The following CCDC149 variants were observed in gnomAD, a reference collection of about 807,000 sequenced individuals.
The protein encoded by CCDC149 is coiled-coil domain-containing protein 149.
CCDC149 carries 45 observed loss-of-function variants against 59.9 expected under a neutral mutation model. That is an observed-to-expected ratio of 0.75 (90% CI 0.59 to 0.96). CCDC149 has a LOEUF of 0.96. Among genes scored for constraint, CCDC149 ranks in the 40% least tolerant of loss-of-function variants. The pLI is 0.00. For missense variants in CCDC149, 584 were observed against 664.7 expected, an observed-to-expected ratio of 0.88 and a Z score of 1.33; for synonymous variants, 245 against 260.6, an observed-to-expected ratio of 0.94 and a Z score of 0.58.
intron 12 of CCDC149, among the ~76,000 whole-genome samples, chr4:24,813,435 C>G (rs1479953928): frequency 6.8e-6 from 1 of 146,506 alleles, no homozygotes; most frequent in Non-Finnish European, 1.5e-5. Flanking sequence ...GCTTGGATTT[C>G]TAAGGTTTCT....
intron 2 of CCDC149, among the ~76,000 whole-genome samples, chr4:24,874,245 T>TTG (rs1719246722): frequency 8.3e-5 from 1 of 12,098 alleles, no homozygotes; most frequent in African/African-American, 2.6e-4. Context: ...ATTAGATTTG[T>TTG]TTTTTTTTTT....
rs541195940 is a variant in CCDC149, at chr4:24,837,881, G to C, written c.489+275C>G. 6.6e-6 allele frequency among the ~76,000 whole-genome samples: 1 copy of C among 152,206 alleles called. No individual in the cohort carries two copies. Among genetic ancestry groups the C allele is most frequent in the Non-Finnish European group, 1.5e-5 (1 of 68,044 alleles). On this transcript the variant is annotated intron_variant, in intron 5 of 12. Coordinates refer to ENST00000635206, the MANE Select transcript of CCDC149 (RefSeq NM_001330643.2). The surrounding 1 kb of genome is among the most constrained non-coding windows in gnomAD (Gnocchi z 4.3). Reference sequence around the variant, plus strand: ...TTGCAAAGTAAGGCCAGTTTGTCACGTGTTGTTCTCTCCCTGTCTATCCTG... The same window carrying C: ...TTGCAAAGTAAGGCCAGTTTGTCACCTGTTGTTCTCTCCCTGTCTATCCTG...
At chr4:24,827,235 A>G (rs1715809155) in intron 9 of CCDC149, 1 of 152,216 alleles carries the variant, frequency 6.6e-6, no homozygotes, top group Admixed American at 6.5e-5. Context: ...GTCTTTAAGG[A>G]AAGCCTGGCT....
At chr4:24,931,248 G>T in intron 1 of CCDC149, among the ~76,000 whole-genome samples, 1 of 144,870 alleles carries the variant, frequency 6.9e-6, no homozygotes, top group Non-Finnish European at 1.5e-5. Context: ...TGTATATATT[G>T]TATAATATGC....
At chr4:24,816,581 T>C (rs1487592510) in intron 12 of CCDC149, among the ~76,000 whole-genome samples, 1 of 152,134 alleles carries the variant, frequency 6.6e-6, no homozygotes, top group Non-Finnish European at 1.5e-5. Context: ...TTTTTAAGGA[T>C]AGACACATAG....
At position 24,821,156 on chromosome 4, in the gene CCDC149, G is replaced by C. The variant is rs948172887; in HGVS notation, c.1043-69C>G. 4 of 875,406 alleles carry C rather than the reference G, an allele frequency of 4.6e-6. 1 individual carries two copies. The African/African-American group carries it at 7.0e-5, about 15-fold the overall frequency. The allele number at this position is 875,406 out of a possible 1,614,324, so 54.2% of individuals were successfully genotyped here. ...TAATAGCCATTTGAAGTTGCACCTA[G>C]ACCAAACAAAACCATAGAAAATTCT... On this transcript the variant is annotated intron_variant, in intron 10 of 12. Transcript: ENST00000635206.
At chr4:24,878,582 C>T (rs1719626035) in intron 1 of CCDC149, among the ~76,000 whole-genome samples, 1 of 152,196 alleles carries the variant, frequency 6.6e-6, no homozygotes, top group South Asian at 2.1e-4. Flanking sequence ...GCCCTTGTTC[C>T]TCCAGTTCTT....
intron 1 of CCDC149, among the ~76,000 whole-genome samples, chr4:24,938,412 G>A (rs199765528): frequency 6.6e-6 from 1 of 152,142 alleles, no homozygotes; most frequent in Non-Finnish European, 1.5e-5. Context: ...AATAAATTCT[G>A]GGGGGATGGA....
chr4:24,914,405 GAAA>G (rs1056544211), upstream of CCDC149, among the ~76,000 whole-genome samples: 5 of 121,964 alleles, frequency 4.1e-5, no homozygotes, highest in African/African-American at 1.5e-4. Flanking sequence ...AAAAAAAAAA[GAAA>G]AAAAAAGGCT....
At chr4:24,808,849 CT>C (rs1560195166) in intron 12 of CCDC149, 30 bp from the exon 13 acceptor site, 1 of 1,512,936 alleles carries the variant, frequency 6.6e-7, no homozygotes, top group East Asian at 2.5e-5. Flanking sequence ...AACATTAAAC[CT>C]CTGGCAGCAA....
chr4:24,948,235 T>C (rs922994737), intron 1 of CCDC149, among the ~76,000 whole-genome samples: 2 of 152,176 alleles, frequency 1.3e-5, no homozygotes, highest in Non-Finnish European at 1.5e-5. Flanking sequence ...GAGGACAAAT[T>C]AGGGATTTGC....
chr4:24,936,083 G>A (rs1022550419), intron 1 of CCDC149, among the ~76,000 whole-genome samples: 2 of 152,148 alleles, frequency 1.3e-5, no homozygotes, highest in Non-Finnish European at 2.9e-5. Context: ...GTGCTCATTG[G>A]TTCCAGAAGT....
intron 3 of CCDC149, among the ~76,000 whole-genome samples, chr4:24,869,484 C>A (rs1368181455): frequency 6.6e-6 from 1 of 152,188 alleles, no homozygotes; most frequent in African/African-American, 2.4e-5. Flanking sequence ...TTGGAGCAAG[C>A]TACTTTGAGT....
At chr4:24,970,939 G>C (rs978888051) in intron 1 of CCDC149, among the ~76,000 whole-genome samples, 3 of 152,168 alleles carry the variant, frequency 2.0e-5, no homozygotes, top group Non-Finnish European at 4.4e-5. Flanking sequence ...CCAGGGCTCT[G>C]AATTACACCC....
intron 1 of CCDC149, among the ~76,000 whole-genome samples, chr4:24,935,078 T>C (rs1722700396): frequency 6.6e-6 from 1 of 152,190 alleles, no homozygotes; most frequent in African/African-American, 2.4e-5. Context: ...GGAGACCAGA[T>C]AGCAGGCTCC....
intron 3 of CCDC149, among the ~76,000 whole-genome samples, chr4:24,864,984 T>C (rs1420879403): frequency 6.6e-6 from 1 of 152,222 alleles, no homozygotes; most frequent in Admixed American, 6.5e-5. Flanking sequence ...CTCTGTATAC[T>C]GAGGAATGAC....
At chr4:24,933,036 G>A (rs556145272) in intron 1 of CCDC149, among the ~76,000 whole-genome samples, 6 of 152,076 alleles carry the variant, frequency 3.9e-5, no homozygotes, top group Admixed American at 6.6e-5. Context: ...GCATGGTGAG[G>A]GCCAGTGAGT....
At chr4:24,858,563 G>C (rs990753344) in intron 3 of CCDC149, among the ~76,000 whole-genome samples, 5 of 152,152 alleles carry the variant, frequency 3.3e-5, no homozygotes, top group African/African-American at 1.2e-4. Flanking sequence ...GAAAGGGAGG[G>C]AAGAGAGATT....
At chr4:24,972,982 T>A (rs560171867) in intron 1 of CCDC149, among the ~76,000 whole-genome samples, 3 of 152,206 alleles carry the variant, frequency 2.0e-5, no homozygotes, top group Admixed American at 1.3e-4. Flanking sequence ...TGGGCACCCA[T>A]GAAGCTTCAT....
Sources: allele counts gnomAD v4.1 joint callset (sites outside exome capture counted in the v4.1 genomes callset), GRCh38; gene constraint gnomAD v4.1.1; non-coding constraint Gnocchi (gnomAD v3.1); transcripts MANE v1.5; gene names NCBI Gene and HGNC (gene_info 2026-07-23, HGNC 2026-07-21).